RIPOR2: variants seen among roughly 807,000 people sequenced by gnomAD.
The protein encoded by RIPOR2 is RHO family interacting cell polarization regulator 2.
In RIPOR2, 39 loss-of-function variants were observed where a neutral mutation model predicts 114.5. The ratio of observed to expected loss-of-function variants is 0.34; its 90% confidence interval spans 0.26 to 0.44. RIPOR2 has a LOEUF of 0.44. Among genes scored for constraint, RIPOR2 ranks in the 20% least tolerant of loss-of-function variants. The pLI is 1.00. For synonymous variants in RIPOR2, 445 were observed against 484.4 expected, an observed-to-expected ratio of 0.92 and a Z score of 1.07; for missense variants, 1,007 against 1,255.1, an observed-to-expected ratio of 0.80 and a Z score of 2.99.
At position 24,848,102 on chromosome 6, in the gene RIPOR2, C is replaced by T; in HGVS notation, c.1087G>A (p.Ala363Thr). 1.2e-6 allele frequency: 2 copies of T among 1,613,878 alleles called. No homozygotes were observed. Among genetic ancestry groups the T allele is most frequent in the Non-Finnish European group, 1.7e-6 (2 of 1,179,832 alleles). ...TASSGAGNKA[A>T]ALQRRMSMYS... is the part of the protein sequence containing the mutation. Reference sequence around the variant, plus strand: ...ATGGACATTCTCCTCTGAAGGGCTGCTGCCTTGTTCCCAGCGCCTGAGGAT... The same window carrying T: ...ATGGACATTCTCCTCTGAAGGGCTGTTGCCTTGTTCCCAGCGCCTGAGGAT... Residue 363 changes from alanine (A) to threonine (T), a missense_variant, in exon 12 of 22, where the codon GCA becomes ACA. Ala to Thr is a moderately conservative substitution (Grantham distance 58, BLOSUM62 0). Coordinates refer to ENST00000643898, the MANE Select transcript of RIPOR2 (RefSeq NM_001286445.3).
At chr6:25,040,398 G>A (rs377343583) in intron 1 of RIPOR2, among the ~76,000 whole-genome samples, 46 of 152,194 alleles carry the variant, frequency 3.0e-4, no homozygotes, top group African/African-American at 1.0e-3. Flanking sequence ...TTACAGGCGT[G>A]AGCCACCGCG....
exon 1 of RIPOR2, chr6:25,041,876 G>A (rs1397262457): frequency 1.4e-6 from 1 of 702,802 alleles, no homozygotes; most frequent in Non-Finnish European, 2.6e-6. Context: ...TCCGGATCCT[G>A]TCCCTCCATG....
intron 2 of RIPOR2, 99 bp downstream of exon 2, chr6:24,875,592 G>T (rs2113899534): frequency 8.9e-7 from 1 of 1,123,050 alleles, no homozygotes; most frequent in East Asian, 2.6e-5. Flanking sequence ...AGGCCGGGGG[G>T]CGGTTTGACA....
At chr6:24,957,980 G>A (rs1773116308) in intron 1 of RIPOR2, among the ~76,000 whole-genome samples, 1 of 152,088 alleles carries the variant, frequency 6.6e-6, no homozygotes, top group African/African-American at 2.4e-5. Context: ...TCTTTCTTGA[G>A]TGTATGATGG....
At chr6:24,889,217 G>C (rs1311609875) in intron 1 of RIPOR2, among the ~76,000 whole-genome samples, 1 of 152,148 alleles carries the variant, frequency 6.6e-6, no homozygotes, top group African/African-American at 2.4e-5. Flanking sequence ...CAGTAACTTT[G>C]CTTTTTTCTA....
At chr6:24,856,218 T>G (rs1483817049) in intron 8 of RIPOR2, among the ~76,000 whole-genome samples, 1 of 152,142 alleles carries the variant, frequency 6.6e-6, no homozygotes, top group Non-Finnish European at 1.5e-5. Flanking sequence ...CGTGCCTTCC[T>G]GCCCGTGGAG....
At chr6:25,014,204 T>C (rs1000120629) in intron 1 of RIPOR2, among the ~76,000 whole-genome samples, 1 of 152,220 alleles carries the variant, frequency 6.6e-6, no homozygotes, top group Admixed American at 6.5e-5. Flanking sequence ...CTGAAATCCG[T>C]GAGCTTTAAA....
Position 25,034,730 on chromosome 6 carries a change from T to G in RIPOR2, c.76+7121A>C, listed in dbSNP as rs368201850. Among the ~76,000 whole-genome samples the G allele has an allele frequency of 3.3e-5, 5 of 152,362 alleles. No individual in the cohort carries two copies. In the South Asian group the frequency reaches 1.0e-3, roughly 32 times the overall value. On this transcript the variant is annotated intron_variant, in intron 1 of 13. Transcript: ENST00000510784. Reference sequence around the variant, plus strand: ...GTTAGCTGTATTTGTATTTGCTGCTTCTTCCTCTCCTTTCCTTTTCCCTCC... The same window carrying G: ...GTTAGCTGTATTTGTATTTGCTGCTGCTTCCTCTCCTTTCCTTTTCCCTCC...
intron 1 of RIPOR2, among the ~76,000 whole-genome samples, chr6:24,887,462 G>C (rs2113954484): frequency 6.6e-6 from 1 of 152,318 alleles, no homozygotes; most frequent in East Asian, 1.9e-4. Context: ...ATATGTAAAA[G>C]ACTTCATGTG....
intron 7 of RIPOR2, among the ~76,000 whole-genome samples, chr6:24,864,117 C>T (rs184942953): frequency 1.1e-3 from 162 of 152,184 alleles, no homozygotes; most frequent in African/African-American, 3.8e-3. Flanking sequence ...GCCTGGCCAA[C>T]GTATAGTAAA....
chr6:24,967,903 C>A (rs1263894934), intron 1 of RIPOR2, among the ~76,000 whole-genome samples: 3 of 134,706 alleles, frequency 2.2e-5, no homozygotes, highest in Admixed American at 8.0e-5. Flanking sequence ...GCTGCAAGAT[C>A]TCAATCTTTT....
intron 1 of RIPOR2, among the ~76,000 whole-genome samples, chr6:25,022,532 A>T (rs113123858): frequency 0.19 from 7,956 of 40,960 alleles, 398 homozygotes; most frequent in Non-Finnish European, 0.29. Context: ...GGTACCTTCC[A>T]TTTTTTTTTT....
chr6:24,972,969 T>A (rs9358810), intron 1 of RIPOR2, among the ~76,000 whole-genome samples: 23,382 of 152,182 alleles, frequency 0.15, 2,493 homozygotes, highest in East Asian at 0.47. Context: ...ATGCTGGAGA[T>A]GGGCTTGCTC....
intron 1 of RIPOR2, among the ~76,000 whole-genome samples, chr6:25,019,915 T>C (rs1776238107): frequency 1.3e-5 from 2 of 151,922 alleles, no homozygotes; most frequent in Admixed American, 1.3e-4. Flanking sequence ...TGGGGATTTT[T>C]TATATTACAT....
At chr6:24,840,076 G>C in intron 13 of RIPOR2, 2 of 724,674 alleles carry the variant, frequency 2.8e-6, no homozygotes, top group African/African-American at 2.0e-5. Flanking sequence ...TAGCCTCCCA[G>C]GTAGCTGAGA....
chr6:24,983,217 C>T (rs1370175203), intron 1 of RIPOR2, among the ~76,000 whole-genome samples: 1 of 149,100 alleles, frequency 6.7e-6, no homozygotes, highest in Non-Finnish European at 1.5e-5. Context: ...CACACACACA[C>T]ATACATATAT....
chr6:24,978,735 CT>C (rs1327219483), intron 1 of RIPOR2, among the ~76,000 whole-genome samples: 5 of 152,196 alleles, frequency 3.3e-5, no homozygotes, highest in African/African-American at 1.2e-4. Flanking sequence ...TTTAATCAAT[CT>C]ATCCTTTAGT....
intron 1 of RIPOR2, among the ~76,000 whole-genome samples, chr6:24,920,751 T>C (rs182665252): frequency 6.2e-4 from 94 of 152,320 alleles, no homozygotes; most frequent in African/African-American, 2.1e-3. Flanking sequence ...GACTCCTGAT[T>C]CCGCATCACA....
chr6:24,893,926 A>G (rs1382496166), intron 1 of RIPOR2, among the ~76,000 whole-genome samples: 1 of 152,240 alleles, frequency 6.6e-6, no homozygotes, highest in African/African-American at 2.4e-5. Context: ...AACTGGAAGC[A>G]TTGAACTGGA....
Sources: gnomAD v4.1 joint callset for allele counts (sites outside exome capture counted in the v4.1 genomes callset) on GRCh38, gnomAD v4.1.1 for gene constraint, MANE v1.5 for transcripts, NCBI Gene and HGNC (gene_info 2026-07-23, HGNC 2026-07-21) for gene names.